ALG5: variants seen among roughly 807,000 people sequenced by gnomAD.
The protein encoded by ALG5 is ALG5 dolichyl-phosphate beta-glucosyltransferase.
ALG5 carries 26 observed loss-of-function variants against 51.8 expected under a neutral mutation model. The observed-to-expected ratio is 0.50, with a 90% CI of 0.37 to 0.70. The LOEUF (loss-of-function observed/expected upper bound fraction) is 0.70, where lower values mean the gene tolerates loss of function less well. ALG5 is among the 30% of genes least tolerant of loss of function. The pLI, the probability that ALG5 is intolerant of heterozygous loss-of-function variation, is 0.00. For synonymous variants in ALG5, 141 were observed against 136.1 expected, an observed-to-expected ratio of 1.04 and a Z score of -0.25; for missense variants, 311 against 399.3, an observed-to-expected ratio of 0.78 and a Z score of 1.88.
chr13:36,966,467 C>T (rs551567393), intron 7 of ALG5, among the ~76,000 whole-genome samples: 2 of 152,260 alleles, frequency 1.3e-5, no homozygotes, highest in Admixed American at 6.5e-5. Context: ...CAGACTTTCA[C>T]ATTTAAGATT....
chr13:36,975,791 T>G (rs8001724), intron 6 of ALG5, among the ~76,000 whole-genome samples: 11,126 of 151,992 alleles, frequency 0.073, 1,381 homozygotes, highest in African/African-American at 0.25. Context: ...GAGGCCGAAG[T>G]GGGCACATCA....
intron 8 of ALG5, among the ~76,000 whole-genome samples, chr13:36,963,883 C>T (rs752694609): frequency 7.2e-5 from 11 of 152,124 alleles, no homozygotes; most frequent in Non-Finnish European, 1.3e-4. Context: ...ACACAGAACC[C>T]ATGACTAAGT....
chr13:36,982,752 A>C (rs896248002), intron 6 of ALG5, among the ~76,000 whole-genome samples: 5 of 152,178 alleles, frequency 3.3e-5, no homozygotes, highest in African/African-American at 1.2e-4. Flanking sequence ...AAAACTATGA[A>C]TTTTGTAACT....
intron 4 of ALG5, among the ~76,000 whole-genome samples, chr13:36,991,346 C>G (rs1246989625): frequency 2.6e-5 from 4 of 152,188 alleles, no homozygotes; most frequent in African/African-American, 9.7e-5. Flanking sequence ...GAAGCATTTT[C>G]TCATTCAACT....
intron 4 of ALG5, among the ~76,000 whole-genome samples, chr13:36,989,950 A>G (rs1049258948): frequency 5.3e-5 from 8 of 152,222 alleles, no homozygotes; most frequent in African/African-American, 1.9e-4. Context: ...TGGGCCCTTA[A>G]CACTGGTTAA....
intron 8 of ALG5, among the ~76,000 whole-genome samples, chr13:36,961,869 C>A (rs947256461): frequency 6.6e-6 from 1 of 152,092 alleles, no homozygotes; most frequent in Non-Finnish European, 1.5e-5. Flanking sequence ...GCAACCTCTG[C>A]CTCCTGGGTT....
chr13:36,986,740 T>C (rs905335706), intron 5 of ALG5, among the ~76,000 whole-genome samples: 1 of 152,006 alleles, frequency 6.6e-6, no homozygotes, highest in Non-Finnish European at 1.5e-5. Flanking sequence ...GTCTGGGCAA[T>C]ACAGTGAGAC....
chr13:36,956,917 G>T (rs931806576), intron 8 of ALG5, among the ~76,000 whole-genome samples: 2 of 151,968 alleles, frequency 1.3e-5, no homozygotes, highest in Middle Eastern at 3.2e-3. Context: ...CCCTAGTATG[G>T]GGTAATCTCC....
At chr13:36,984,500 T>C (rs2058993343) in intron 6 of ALG5, among the ~76,000 whole-genome samples, 1 of 150,196 alleles carries the variant, frequency 6.7e-6, no homozygotes, top group African/African-American at 2.4e-5. Flanking sequence ...GCCAGAATAC[T>C]TGCATGTAAT....
chr13:36,966,951 G>C (rs755919122), intron 7 of ALG5, among the ~76,000 whole-genome samples: 1 of 151,928 alleles, frequency 6.6e-6, no homozygotes, highest in Non-Finnish European at 1.5e-5. Context: ...GGCGAGGTGC[G>C]GTGGCTCACA....
chr13:36,985,773 G>C (rs771960403), intron 5 of ALG5, 33 bp from the exon 6 acceptor site: 52 of 1,472,062 alleles, frequency 3.5e-5, no homozygotes, highest in Non-Finnish European at 4.8e-5. Flanking sequence ...AAAGAAAATT[G>C]GTTAAAACTC....
At chr13:36,992,057 T>A (rs2059027915) in intron 4 of ALG5, among the ~76,000 whole-genome samples, 1 of 152,188 alleles carries the variant, frequency 6.6e-6, no homozygotes, top group Non-Finnish European at 1.5e-5. Context: ...AGCAACCTGA[T>A]CCTGTTTAAA....
intron 7 of ALG5, 33 bp downstream of exon 7, chr13:36,971,944 T>A: frequency 6.4e-7 from 1 of 1,555,042 alleles, no homozygotes; most frequent in Non-Finnish European, 8.7e-7. Flanking sequence ...AGCCAATTAA[T>A]TGGCTGTCCC....
rs1321809012 is a variant in ALG5, at chr13:36,954,150, A to G, written c.774-1551T>C. On this transcript the variant is annotated intron_variant, in intron 8 of 9. Transcript: ENST00000239891. ...CATCCAGGCTGGAATGCAGTGGCGC[A>G]ATCAGGGCTCACTGCAGCCTCAACC... Among the ~76,000 whole-genome samples the G allele has an allele frequency of 2.0e-5, 3 of 152,010 alleles. No homozygotes were observed. In the East Asian group the frequency reaches 5.8e-4, roughly 29 times the overall value.
At chr13:36,954,945 A>G (rs2058833332) in intron 8 of ALG5, among the ~76,000 whole-genome samples, 1 of 152,190 alleles carries the variant, frequency 6.6e-6, no homozygotes, top group Non-Finnish European at 1.5e-5. Flanking sequence ...AATAAAAAAA[A>G]CCTTGGAAGT....
chr13:36,977,717 G>A (rs1465377637), intron 6 of ALG5, among the ~76,000 whole-genome samples: 3 of 134,998 alleles, frequency 2.2e-5, no homozygotes, highest in East Asian at 2.5e-4. Flanking sequence ...GCTTGAACTC[G>A]GGAAGTGTAG....
chr13:36,990,280 A>AGTAG (rs2059020115), intron 4 of ALG5, among the ~76,000 whole-genome samples: 1 of 152,198 alleles, frequency 6.6e-6, no homozygotes, highest in Non-Finnish European at 1.5e-5. Flanking sequence ...GGTCCACTGT[A>AGTAG]GTAGGGCTCA....
chr13:36,990,461 A>G (rs1309345371), intron 4 of ALG5, among the ~76,000 whole-genome samples: 2 of 152,210 alleles, frequency 1.3e-5, no homozygotes, highest in Non-Finnish European at 2.9e-5. Context: ...CTTGCTCCTT[A>G]AATGCTGATA....
At chr13:36,979,794 T>C (rs2058970927) in intron 6 of ALG5, among the ~76,000 whole-genome samples, 1 of 152,166 alleles carries the variant, frequency 6.6e-6, no homozygotes, top group Non-Finnish European at 1.5e-5. Context: ...CAGCCTGTAA[T>C]CCCAGCACTT....
Sources: allele counts gnomAD v4.1 joint callset (sites outside exome capture counted in the v4.1 genomes callset), GRCh38; gene constraint gnomAD v4.1.1; transcripts MANE v1.5; gene names NCBI Gene and HGNC (gene_info 2026-07-23, HGNC 2026-07-21).